Variants in SHPRH observed in about 807,000 individuals in gnomAD.
SHPRH encodes E3 ubiquitin-protein ligase SHPRH.
Under a neutral mutation model 202.5 loss-of-function variants are expected in SHPRH, and 106 were observed. That is an observed-to-expected ratio of 0.52 (90% CI 0.45 to 0.62). The LOEUF is 0.62. Among genes scored for constraint, SHPRH ranks in the 20% least tolerant of loss-of-function variants. The pLI, the probability that SHPRH is intolerant of heterozygous loss-of-function variation, is 0.00. For synonymous variants in SHPRH, 729 were observed against 686.0 expected (o/e 1.06, Z -0.98); for missense variants, 1,710 against 2,020.0 (o/e 0.85, Z 2.94).
At position 145,943,585 on chromosome 6, in the gene SHPRH, C is replaced by T; in HGVS notation, c.1796G>A (p.Gly599Asp). 6.2e-7 allele frequency: 1 copy of T among 1,613,818 alleles called. No individual in the cohort carries two copies. Among genetic ancestry groups the T allele is most frequent in the Non-Finnish European group, 8.5e-7 (1 of 1,179,894 alleles). Residue 599 changes from glycine (G) to aspartate (D), a missense_variant, in exon 9 of 30, where the codon GGT (glycine) becomes GAT (aspartate). Transcript: ENST00000275233. Reference sequence around the variant, plus strand: ...AGAGTCGCTAGTAGCTGGACAGTGACCTTGTGAATCGGGATTGATAAATGG... The same window carrying T: ...AGAGTCGCTAGTAGCTGGACAGTGATCTTGTGAATCGGGATTGATAAATGG... ...SQPFINPDSQ[G>D]HCPATSDSGI... is the part of the protein sequence containing the mutation.
intron 2 of SHPRH, among the ~76,000 whole-genome samples, chr6:145,954,180 G>A (rs1189668369): frequency 6.6e-6 from 1 of 151,894 alleles, no homozygotes; most frequent in African/African-American, 2.4e-5. Flanking sequence ...AAGCAAAGAC[G>A]CAGAAAGTCA....
chr6:145,949,058 A>G (rs1787704087), intron 4 of SHPRH, among the ~76,000 whole-genome samples: 1 of 152,066 alleles, frequency 6.6e-6, no homozygotes, highest in Admixed American at 6.6e-5. Flanking sequence ...AAAATTCAAA[A>G]AACTATGGAT....
chr6:145,941,131 C>G (rs1582780064), intron 10 of SHPRH, among the ~76,000 whole-genome samples: 1 of 152,186 alleles, frequency 6.6e-6, no homozygotes, highest in Admixed American at 6.5e-5. Context: ...AGACATGATT[C>G]ATACATTCAG....
intron 1 of SHPRH, among the ~76,000 whole-genome samples, chr6:145,958,308 T>C (rs954674169): frequency 2.6e-5 from 4 of 152,178 alleles, no homozygotes; most frequent in Non-Finnish European, 4.4e-5. Flanking sequence ...AATTATATCA[T>C]AAAGTTGATT....
chr6:145,870,152 T>G (rs1028881638), intron 2 of SHPRH, among the ~76,000 whole-genome samples: 1 of 152,242 alleles, frequency 6.6e-6, no homozygotes, highest in Admixed American at 6.5e-5. Context: ...TACTTGTTCA[T>G]TGCTGGTATA....
chr6:145,934,281 ACATGAT>A (rs984177212), intron 13 of SHPRH, among the ~76,000 whole-genome samples: 1 of 151,972 alleles, frequency 6.6e-6, no homozygotes, highest in Non-Finnish European at 1.5e-5. Context: ...AGCCTGACCA[ACATGAT>A]GAAACCCCGT....
intron 13 of SHPRH, among the ~76,000 whole-genome samples, chr6:145,934,005 T>G (rs1381085871): frequency 6.6e-6 from 1 of 151,928 alleles, no homozygotes; most frequent in African/African-American, 2.4e-5. Context: ...AATAACAAAA[T>G]AATTTTAAAA....
chr6:145,871,854 G>A (rs1780071086), intron 2 of SHPRH, among the ~76,000 whole-genome samples: 1 of 152,136 alleles, frequency 6.6e-6, no homozygotes, highest in Admixed American at 6.5e-5. Context: ...CAGAGACATA[G>A]ACCAATGGAA....
At chr6:145,952,664 G>T (rs1452160197) in intron 2 of SHPRH, among the ~76,000 whole-genome samples, 186 bp from the exon 3 acceptor site, 1 of 151,982 alleles carries the variant, frequency 6.6e-6, no homozygotes, top group African/African-American at 2.4e-5. Flanking sequence ...AATTATAAAT[G>T]TAAGTGCCTA....
intron 2 of SHPRH, among the ~76,000 whole-genome samples, chr6:145,867,206 A>G (rs1291270385): frequency 6.6e-6 from 1 of 152,038 alleles, no homozygotes; most frequent in Non-Finnish European, 1.5e-5. Context: ...GAACAGGTGC[A>G]CTAAACATCT....
In SHPRH at chr6:145,921,185, T is replaced by C; in HGVS notation, c.3990A>G (p.Ala1330=). The part of the protein sequence containing the change: ...EGSTSMDLFE[A]WKKEYKLLHE... ...ACTATACCTTATATTCCTTCTTCCATGCTTCAAAGAGATCCATTGAAGTGC... is the reference window on the plus strand; with the variant it reads ...ACTATACCTTATATTCCTTCTTCCACGCTTCAAAGAGATCCATTGAAGTGC... The change falls in exon 21 of 30, where the codon GCA becomes GCG. Residue 1330 remains alanine, a synonymous_variant. Coordinates refer to ENST00000275233, the MANE Select transcript of SHPRH (RefSeq NM_001042683.3). The C allele has an allele frequency of 6.2e-7, 1 of 1,612,150 alleles. No homozygotes were observed. Among genetic ancestry groups the C allele is most frequent in the Non-Finnish European group, 8.5e-7 (1 of 1,178,816 alleles).
chr6:145,931,534 C>T (rs1785443799), intron 14 of SHPRH, among the ~76,000 whole-genome samples: 1 of 152,044 alleles, frequency 6.6e-6, no homozygotes, highest in Non-Finnish European at 1.5e-5. Flanking sequence ...GACGGGGTTT[C>T]ACCATGTTGG....
chr6:145,919,643 A>G, intron 21 of SHPRH, 152 bp from the exon 22 acceptor site: 1 of 819,978 alleles, frequency 1.2e-6, no homozygotes, highest in South Asian at 2.3e-5. Context: ...GGTCATTTTT[A>G]GGATGAAATG....
chr6:145,892,261 A>G (rs143706939), intron 28 of SHPRH, among the ~76,000 whole-genome samples: 40 of 152,228 alleles, frequency 2.6e-4, no homozygotes, highest in African/African-American at 9.1e-4. Flanking sequence ...CTGTGTGAAT[A>G]CCCTTTTCCA....
intron 23 of SHPRH, among the ~76,000 whole-genome samples, chr6:145,916,953 G>A (rs943811075): frequency 6.6e-6 from 1 of 151,998 alleles, no homozygotes; most frequent in East Asian, 1.9e-4. Flanking sequence ...CTAATTTTTT[G>A]TATCTTTAGT....
At chr6:145,869,020 A>C (rs936316236) in intron 2 of SHPRH, among the ~76,000 whole-genome samples, 2 of 152,150 alleles carry the variant, frequency 1.3e-5, no homozygotes, top group Non-Finnish European at 2.9e-5. Context: ...TCCCACTAAC[A>C]ATGAATGCTT....
At chr6:145,863,015 T>C (rs146448088), downstream of SHPRH, among the ~76,000 whole-genome samples, 19 of 152,342 alleles carry the variant, frequency 1.2e-4, no homozygotes, top group East Asian at 3.5e-3. Context: ...AATTGTGTAG[T>C]GTCCAATGTC....
In SHPRH at chr6:145,894,239, A is replaced by T. The variant is rs1330520114; in HGVS notation, c.4609-3T>A. 6.3e-7 allele frequency: 1 copy of T among 1,589,154 alleles called. No individual in the cohort carries two copies. Among genetic ancestry groups the T allele is most frequent in the Non-Finnish European group, 8.6e-7 (1 of 1,169,504 alleles). On this transcript the variant is annotated splice_polypyrimidine_tract_variant and splice_region_variant and intron_variant, in intron 26 of 29. Transcript: ENST00000275233. ...ATAATATCTAATACATCTTGCCACT[A>T]GAACACATAAAACAATAAGAAAACC... is the stretch of plus-strand genomic sequence containing the variant.
chr6:145,946,204 G>GT (rs1292964975), intron 7 of SHPRH, 29 bp downstream of exon 7: 3 of 1,518,808 alleles, frequency 2.0e-6, no homozygotes, highest in Admixed American at 1.8e-5. Flanking sequence ...CTATAAGAAG[G>GT]TATTTCCTTT....
Sources: gnomAD v4.1 joint callset for allele counts (sites outside exome capture counted in the v4.1 genomes callset) on GRCh38, gnomAD v4.1.1 for gene constraint, MANE v1.5 for transcripts, NCBI Gene and HGNC (gene_info 2026-07-23, HGNC 2026-07-21) for gene names.